Variants in PRKN observed in about 807,000 individuals in gnomAD.
PRKN encodes the protein parkin RBR E3 ubiquitin protein ligase.
In PRKN, 56 loss-of-function variants were observed where a neutral mutation model predicts 59.5. The ratio of observed to expected loss-of-function variants is 0.94; its 90% CI spans 0.76 to 1.18. The LOEUF (loss-of-function observed/expected upper bound fraction) is 1.18, where lower values mean the gene tolerates loss of function less well. Among genes scored for constraint, PRKN ranks in the 50% most tolerant of loss-of-function variants. The pLI, the probability that PRKN is intolerant of heterozygous loss-of-function variation, is 0.00. For synonymous variants in PRKN, 250 were observed against 222.1 expected (o/e 1.13, Z -1.12); for missense variants, 657 against 596.4 (o/e 1.10, Z -1.06).
intron 4 of PRKN, among the ~76,000 whole-genome samples, chr6:162,115,041 C>T (rs573775521): frequency 5.7e-4 from 87 of 151,994 alleles, no homozygotes; most frequent in African/African-American, 2.0e-3. Context: ...AAGACACATG[C>T]ACACGTATGT....
intron 7 of PRKN, among the ~76,000 whole-genome samples, chr6:161,619,141 A>G (rs1782798842): frequency 6.6e-6 from 1 of 151,970 alleles, no homozygotes; most frequent in Admixed American, 6.6e-5. Flanking sequence ...TCTACAAGGT[A>G]GCAAGGACAC....
chr6:162,371,386 G>A (rs1010307319), intron 2 of PRKN, among the ~76,000 whole-genome samples: 2 of 152,144 alleles, frequency 1.3e-5, no homozygotes, highest in Non-Finnish European at 1.5e-5. Context: ...AGCTTTGCGA[G>A]TTCTGACTGC....
At chr6:162,477,055 T>G (rs1792058498) in intron 1 of PRKN, among the ~76,000 whole-genome samples, 1 of 152,320 alleles carries the variant, frequency 6.6e-6, no homozygotes, top group Non-Finnish European at 1.5e-5. Flanking sequence ...CTACTTCCAG[T>G]ATTGTGCTCA....
intron 2 of PRKN, among the ~76,000 whole-genome samples, chr6:162,273,778 A>G (rs1780491637): frequency 6.6e-6 from 1 of 152,174 alleles, no homozygotes; most frequent in African/African-American, 2.4e-5. Flanking sequence ...AGACCCATGT[A>G]TATCTATTCA....
At chr6:161,638,538 A>T (rs1582927896) in intron 7 of PRKN, among the ~76,000 whole-genome samples, 1 of 152,142 alleles carries the variant, frequency 6.6e-6, no homozygotes, top group African/African-American at 2.4e-5. Flanking sequence ...GCAGAGGTCA[A>T]ATGCCAGGAA....
At chr6:161,572,079 G>T (rs554197704) in intron 7 of PRKN, among the ~76,000 whole-genome samples, 1 of 152,190 alleles carries the variant, frequency 6.6e-6, no homozygotes, top group Non-Finnish European at 1.5e-5. Flanking sequence ...CGCCATAATT[G>T]TGTGAGCCCT....
intron 1 of PRKN, among the ~76,000 whole-genome samples, chr6:162,613,686 G>GA (rs1258054553): frequency 4.6e-5 from 7 of 152,080 alleles, no homozygotes; most frequent in Admixed American, 1.3e-4. Flanking sequence ...AGAAAAAAAT[G>GA]AAAAAATATA....
intron 1 of PRKN, among the ~76,000 whole-genome samples, chr6:162,484,959 A>T (rs1255742872): frequency 2.0e-5 from 3 of 152,242 alleles, no homozygotes; most frequent in Non-Finnish European, 4.4e-5. Context: ...CATATTTACT[A>T]GTTTTTCTAT....
At chr6:162,613,702 A>T (rs1023621529) in intron 1 of PRKN, among the ~76,000 whole-genome samples, 4 of 152,214 alleles carry the variant, frequency 2.6e-5, no homozygotes, top group African/African-American at 4.8e-5. Flanking sequence ...ATATACACAA[A>T]TTTTGAAAGT....
At chr6:161,900,571 ATG>A (rs1777856028) in intron 6 of PRKN, among the ~76,000 whole-genome samples, 1 of 89,286 alleles carries the variant, frequency 1.1e-5, no homozygotes, top group Non-Finnish European at 2.2e-5. Context: ...GTTATATATT[ATG>A]TAATATATTA....
At chr6:161,485,856 A>G (rs907427404) in intron 9 of PRKN, among the ~76,000 whole-genome samples, 3 of 151,936 alleles carry the variant, frequency 2.0e-5, no homozygotes, top group Admixed American at 6.6e-5. Context: ...TAGCTCTTAA[A>G]GTATAGGAAA....
intron 6 of PRKN, among the ~76,000 whole-genome samples, chr6:161,856,014 T>G (rs1261391117): frequency 6.6e-6 from 1 of 152,176 alleles, no homozygotes; most frequent in Non-Finnish European, 1.5e-5. Flanking sequence ...TAGGAAAGCA[T>G]GAGTCCAAGC....
rs527560861 is a variant in PRKN at position 161,562,299 on chromosome 6, G to A, written c.933+7056C>T. ...CACCACAAATTGCCATTCCTCCTCC[G>A]GAAGGCCCGCCTACTTGCCTTCTCA... On this transcript the variant is annotated intron_variant, in intron 8 of 11. Transcript: ENST00000366898. This position sits in a 1 kb window ranked among gnomAD's most constrained non-coding sequence, Gnocchi z 4.3. 2.2e-4 allele frequency among the ~76,000 whole-genome samples: 33 copies of A among 152,150 alleles called. No homozygotes were observed. Among genetic ancestry groups the A allele is most frequent in the Admixed American group, 1.6e-3 (25 of 15,274 alleles).
intron 6 of PRKN, among the ~76,000 whole-genome samples, chr6:161,902,517 G>C (rs1420829353): frequency 1.5e-5 from 2 of 135,448 alleles, no homozygotes; most frequent in Non-Finnish European, 3.1e-5. Context: ...AAATGTAATA[G>C]ACATCCGTCT....
chr6:162,182,975 T>C (rs183510019), intron 4 of PRKN, among the ~76,000 whole-genome samples: 20 of 149,524 alleles, frequency 1.3e-4, no homozygotes, highest in Admixed American at 1.1e-3. Context: ...CCTTTTTTTC[T>C]TTTTTTTGGT....
rs112015136 is a variant in PRKN at position 161,646,037 on chromosome 6, A to G, written c.872-76621T>C. On this transcript the variant is annotated intron_variant, in intron 7 of 11. Coordinates refer to ENST00000366898, the MANE Select transcript of PRKN (RefSeq NM_004562.3). ...CAGTGACAGTGGTGACTGCGTGTGCATGCGTGGTGGAGGAGGCGGCGTATC... is the reference window on the plus strand; with the variant it reads ...CAGTGACAGTGGTGACTGCGTGTGCGTGCGTGGTGGAGGAGGCGGCGTATC... Among the ~76,000 whole-genome samples the G allele has an allele frequency of 3.5e-3, 255 of 72,870 alleles. 15 individuals carry two copies. Among genetic ancestry groups the G allele is most frequent in the Admixed American group, 6.4e-3 (43 of 6,762 alleles). The allele number at this position is 72,870 out of a possible 152,430, so 47.8% of individuals were successfully genotyped here.
At chr6:162,044,738 C>T (rs1784189725) in intron 5 of PRKN, among the ~76,000 whole-genome samples, 2 of 152,110 alleles carry the variant, frequency 1.3e-5, no homozygotes, top group African/African-American at 4.8e-5. Flanking sequence ...ACAAAATGTT[C>T]CCAACCATGC....
rs573623786 is a variant in PRKN at position 161,373,577 on chromosome 6, G to C, written c.1167+13217C>G. 6.6e-6 allele frequency among the ~76,000 whole-genome samples: 1 copy of C among 151,294 alleles called. No homozygotes were observed. The highest frequency in any genetic ancestry group is 6.6e-5 in the Admixed American group (1 of 15,194). Reference sequence around the variant, plus strand: ...TTGCAGGGGTGCTGAGTTTAAATGTGCTATACCTCTGTGCTTTGCAGGGGT... The same window carrying C: ...TTGCAGGGGTGCTGAGTTTAAATGTCCTATACCTCTGTGCTTTGCAGGGGT... On this transcript the variant is annotated intron_variant, in intron 10 of 11. Coordinates refer to ENST00000366898, the MANE Select transcript of PRKN (RefSeq NM_004562.3). This position sits in a 1 kb window ranked among gnomAD's most constrained non-coding sequence, Gnocchi z 4.8.
At chr6:162,037,841 G>A (rs990520219) in intron 5 of PRKN, among the ~76,000 whole-genome samples, 1 of 151,848 alleles carries the variant, frequency 6.6e-6, no homozygotes, top group African/African-American at 2.4e-5. Context: ...CACTACATCC[G>A]GCCTTACCCT....
Sources: gnomAD v4.1 joint callset for allele counts (sites outside exome capture counted in the v4.1 genomes callset) on GRCh38, gnomAD v4.1.1 for gene constraint, Gnocchi (gnomAD v3.1) non-coding constraint, MANE v1.5 for transcripts, NCBI Gene and HGNC (gene_info 2026-07-23, HGNC 2026-07-21) for gene names.